DAGLB: variants seen among roughly 807,000 people sequenced by gnomAD.
DAGLB encodes diacylglycerol lipase-beta.
A neutral mutation model predicts 72.1 loss-of-function variants in DAGLB; 66 were observed. The observed-to-expected ratio is 0.92, with a 90% CI of 0.75 to 1.12. The LOEUF (loss-of-function observed/expected upper bound fraction) is 1.12. Ranked by LOEUF, DAGLB falls within the 50% of genes most tolerant of loss-of-function variation. The pLI is 0.00. For missense variants in DAGLB, 1,065 were observed against 884.9 expected (o/e 1.20, Z -2.58); for synonymous variants, 414 against 359.5 (o/e 1.15, Z -1.71).
At chr7:6,420,924 G>A (rs902753080) in intron 9 of DAGLB, among the ~76,000 whole-genome samples, 3 of 152,218 alleles carry the variant, frequency 2.0e-5, no homozygotes, top group Admixed American at 6.5e-5. Flanking sequence ...CGTGGGGTGG[G>A]CCTGCCTCCT....
At chr7:6,436,329 A>G in intron 3 of DAGLB, 33 bp downstream of exon 3, 1 of 1,584,512 alleles carries the variant, frequency 6.3e-7, no homozygotes, top group Non-Finnish European at 8.6e-7. Flanking sequence ...CCTCAAATCC[A>G]CTGAAACTCA....
In DAGLB at chr7:6,426,044, G is replaced by T. The variant is rs1268965639; in HGVS notation, c.1000C>A (p.Leu334Met). The change falls in exon 7 of 15, where the codon CTG (leucine) becomes ATG (methionine). Residue 334 changes from leucine (L) to methionine (M), a missense_variant. By Grantham distance (15) the Leu-to-Met change is conservative (BLOSUM62 2). Transcript: ENST00000297056. The part of the protein sequence containing the change: ...DQLNCHFGSI[L>M]HTTGLQYRDF... The stretch of plus-strand genomic sequence containing the variant: ...CTGTACTGCAGCCCTGTGGTGTGCA[G>T]GATGGAGCCGAAGTGACAGTTGAGC... 6 of 1,613,990 alleles carry T rather than the reference G, an allele frequency of 3.7e-6. No homozygotes were observed. In the Admixed American group the frequency reaches 1.0e-4, roughly 27 times the overall value.
At position 6,446,477 on chromosome 7, in the gene DAGLB, C is replaced by CAAA. The variant is rs748156438; in HGVS notation, c.96-376_96-374dup. ...TGGGCAACGATATGAGACTCCGTCT[C>CAAA]AAAAAAAAAAAAAAAAAAAAAAAAA... On this transcript the variant is annotated intron_variant, in intron 1 of 14. Transcript: ENST00000297056. Among the ~76,000 whole-genome samples the CAAA allele has an allele frequency of 2.5e-3, 145 of 58,650 alleles. 16 individuals are homozygous for CAAA. Among genetic ancestry groups the CAAA allele is most frequent in the East Asian group, 0.013 (17 of 1,318 alleles). The allele number at this position is 58,650 out of a possible 152,430, so 38.5% of individuals were successfully genotyped here.
At chr7:6,413,171 A>AG in intron 11 of DAGLB, 137 bp from the exon 12 acceptor site, 1 of 907,886 alleles carries the variant, frequency 1.1e-6, no homozygotes, top group Non-Finnish European at 1.7e-6. Flanking sequence ...AAGGGAGGGT[A>AG]GGGGAAACGT....
At chr7:6,442,865 C>A (rs1197828297) in intron 2 of DAGLB, among the ~76,000 whole-genome samples, 1 of 151,900 alleles carries the variant, frequency 6.6e-6, no homozygotes, top group Non-Finnish European at 1.5e-5. Flanking sequence ...CCAGCCTGGC[C>A]AACATGGTTC....
At chr7:6,417,176 CTT>C (rs1783946088) in intron 9 of DAGLB, 2 of 439,774 alleles carry the variant, frequency 4.5e-6, no homozygotes, top group Non-Finnish European at 8.3e-6. Flanking sequence ...CAGGAGGACA[CTT>C]GAGCCCAGGA....
Position 6,410,252 on chromosome 7 carries a change from CAGT to C in DAGLB, c.1695_1697del (p.Leu566del), listed in dbSNP as rs1171296456. The C allele has an allele frequency of 4.3e-6, 7 of 1,613,286 alleles. No individual in the cohort carries two copies. The Middle Eastern group carries it at 8.2e-4, about 189-fold the overall frequency. On this transcript the variant is annotated inframe_deletion, in exon 14 of 15. Coordinates refer to ENST00000297056, the MANE Select transcript of DAGLB (RefSeq NM_139179.4). ...AGCTGTAGGCCGGGGACCAGCGCGT[CAGT>C]AGGCTCTGCTCCCCCAGAAGAGGCT...
chr7:6,437,240 C>T (rs953460230), intron 2 of DAGLB, among the ~76,000 whole-genome samples: 7 of 151,578 alleles, frequency 4.6e-5, no homozygotes, highest in African/African-American at 1.7e-4. Flanking sequence ...CTGTCCCAGG[C>T]AAACAGGGAT....
chr7:6,410,751 T>C (rs1371423753), intron 13 of DAGLB, among the ~76,000 whole-genome samples: 1 of 152,208 alleles, frequency 6.6e-6, no homozygotes, highest in Admixed American at 6.5e-5. Context: ...TTAATTTCTA[T>C]GGGCTGGAGC....
intron 9 of DAGLB, among the ~76,000 whole-genome samples, chr7:6,418,184 C>A (rs1343428018): frequency 6.6e-6 from 1 of 151,282 alleles, no homozygotes; most frequent in African/African-American, 2.4e-5. Context: ...TTAAAATTTT[C>A]TAACATATAC....
chr7:6,409,549 C>T lies in DAGLB; in HGVS notation c.*288G>A. On this transcript the variant is annotated 3_prime_UTR_variant, in exon 15 of 15. Transcript: ENST00000297056. ...CCGCACTTCTGGAGCAGTCCTCAGA[C>T]AGCCAAGGGATCCATCCACGGGCCA... 1 of 474,962 alleles carries T rather than the reference C, an allele frequency of 2.1e-6. No individual in the cohort carries two copies. Among genetic ancestry groups the T allele is most frequent in the South Asian group, 2.4e-5 (1 of 41,878 alleles). 29.4% of individuals were successfully genotyped at this position (474,962 alleles called of 1,614,324 possible). A position where few individuals can be genotyped will look rare whatever the true frequency, so the allele number is the denominator to read the frequency against.
At chr7:6,434,449 T>C (rs953242557) in intron 4 of DAGLB, among the ~76,000 whole-genome samples, 6 of 152,158 alleles carry the variant, frequency 3.9e-5, no homozygotes, top group African/African-American at 1.4e-4. Flanking sequence ...CAACAGCAGC[T>C]GCAAATTATT....
In DAGLB at chr7:6,410,355, C is replaced by T. The variant is rs778313497; in HGVS notation, c.1595G>A (p.Trp532Ter). 2.2e-5 allele frequency: 36 copies of T among 1,613,346 alleles called. No homozygotes were observed. The highest frequency in any genetic ancestry group is 3.1e-5 in the Non-Finnish European group (36 of 1,179,638). Residue 532 changes from tryptophan to a stop codon, truncating the protein, a stop_gained, in exon 14 of 15, where the codon TGG becomes TAG. Transcript: ENST00000297056. LOFTEE classifies it high-confidence loss of function. ...PKYKILLHGL[W>*]YELFGGNPNN... Reference sequence around the variant, plus strand: ...GGGGTTTCCTCCAAACAGTTCGTACCACAAACCGTGCAGCAAGATCTTGTA... The same window carrying T: ...GGGGTTTCCTCCAAACAGTTCGTACTACAAACCGTGCAGCAAGATCTTGTA...
chr7:6,426,830 CG>C (rs1562483808), intron 6 of DAGLB, among the ~76,000 whole-genome samples: 1 of 152,132 alleles, frequency 6.6e-6, no homozygotes, highest in African/African-American at 2.4e-5. Flanking sequence ...AAAAAGAGGC[CG>C]GGCGTGGTGG....
chr7:6,421,927 C>G, intron 8 of DAGLB, 123 bp from the exon 9 acceptor site: 1 of 1,102,732 alleles, frequency 9.1e-7, no homozygotes, highest in East Asian at 2.6e-5. Context: ...TCTCCTAGTT[C>G]GGTCCTGGGA....
intron 4 of DAGLB, 64 bp downstream of exon 4, chr7:6,434,698 C>G (rs925577897): frequency 1.2e-6 from 2 of 1,600,770 alleles, no homozygotes; most frequent in African/African-American, 1.3e-5. Context: ...ACAGAGGGAC[C>G]GGCTCCATCA....
At chr7:6,425,397 G>A (rs770546300) in intron 7 of DAGLB, among the ~76,000 whole-genome samples, 5 of 152,116 alleles carry the variant, frequency 3.3e-5, no homozygotes, top group Admixed American at 6.5e-5. Context: ...TCAGCCTCCC[G>A]ACCAGCAGAG....
rs993679553 is a variant in DAGLB, at chr7:6,435,040, A to G, written c.420-20T>C. On this transcript the variant is annotated intron_variant, in intron 3 of 14. Coordinates refer to ENST00000297056, the MANE Select transcript of DAGLB (RefSeq NM_139179.4). ...ATCCAACTGCAAGACAGAGAGAGGA[A>G]AAGGCTCGGTGACTGCGGGCCCCAG... 4 of 1,610,896 alleles carry G rather than the reference A, an allele frequency of 2.5e-6. No homozygotes were observed. Among genetic ancestry groups the G allele is most frequent in the Non-Finnish European group, 3.4e-6 (4 of 1,178,802 alleles).
intron 9 of DAGLB, among the ~76,000 whole-genome samples, chr7:6,418,746 G>C (rs1223637160): frequency 3.3e-5 from 5 of 151,640 alleles, no homozygotes; most frequent in Non-Finnish European, 5.9e-5. Context: ...CTCACTGCAA[G>C]CTCCACCTCC....
Sources: allele counts gnomAD v4.1 joint callset (sites outside exome capture counted in the v4.1 genomes callset), GRCh38; gene constraint gnomAD v4.1.1; transcripts MANE v1.5; gene names NCBI Gene and HGNC (gene_info 2026-07-23, HGNC 2026-07-21).